THRAP3: variants seen among roughly 807,000 people sequenced by gnomAD.
The protein encoded by THRAP3 is thyroid hormone receptor associated protein 3.
Under a neutral mutation model 101.0 loss-of-function variants are expected in THRAP3, and 16 were observed. The ratio of observed to expected loss-of-function variants is 0.16; its 90% CI spans 0.11 to 0.24. The LOEUF (loss-of-function observed/expected upper bound fraction) is 0.24, where lower values mean the gene tolerates loss of function less well. Ranked by LOEUF, THRAP3 falls within the 10% of genes least tolerant of loss-of-function variation. The probability of loss-of-function intolerance (pLI) is 1.00; values close to 1 mark genes in which losing one functional copy is unlikely to be tolerated. For missense variants in THRAP3, 989 were observed against 1,202.7 expected (o/e 0.82, Z 2.63); for synonymous variants, 407 against 422.6 (o/e 0.96, Z 0.45).
In THRAP3 at chr1:36,268,917, G is replaced by A. The variant is rs143486038; in HGVS notation, c.-32+9433G>A. On this transcript the variant is annotated intron_variant, in intron 2 of 11. Transcript: ENST00000354618. ...ATTTTTCTATTTTTAGTAGAGATGG[G>A]GTTTCACCATGTTGGCCAGGCTGGC... Among the ~76,000 whole-genome samples, 122 of 152,364 alleles carry A rather than the reference G, an allele frequency of 8.0e-4. No individual in the cohort carries two copies. The East Asian group carries it at 0.015, about 19-fold the overall frequency.
chr1:36,241,012 C>G (rs113967889), intron 1 of THRAP3, among the ~76,000 whole-genome samples: 3,108 of 151,930 alleles, frequency 0.02, 100 homozygotes, highest in African/African-American at 0.064. Flanking sequence ...CGGGACCATC[C>G]CGGCTAACAC....
intron 1 of THRAP3, among the ~76,000 whole-genome samples, chr1:36,250,422 C>T (rs958203540): frequency 8.6e-5 from 13 of 151,818 alleles, no homozygotes; most frequent in Non-Finnish European, 1.3e-4. Context: ...CTATGTTGGC[C>T]GGGATGGTCT....
intron 11 of THRAP3, 136 bp downstream of exon 11, chr1:36,301,832 T>C: frequency 9.2e-7 from 1 of 1,084,824 alleles, no homozygotes; most frequent in Non-Finnish European, 1.3e-6. Context: ...CATGTGTACT[T>C]GCATAGTGCT....
the THRAP3 span, among the ~76,000 whole-genome samples, chr1:36,216,171 G>A: frequency 3.9e-5 from 6 of 152,060 alleles, no homozygotes; most frequent in Admixed American, 2.6e-4. Context: ...TTTAGCCCAG[G>A]AGTTTGAGAC....
chr1:36,294,267 A>C, intron 8 of THRAP3: 1 of 1,046,714 alleles, frequency 9.6e-7, no homozygotes. Context: ...TCAACTGTAT[A>C]CATGCACTAT....
chr1:36,242,516 G>C (rs887802537), intron 1 of THRAP3, among the ~76,000 whole-genome samples: 1 of 145,524 alleles, frequency 6.9e-6, no homozygotes, highest in Non-Finnish European at 1.5e-5. Context: ...GCAGAGACGC[G>C]ATCTCCGCTC....
intron 8 of THRAP3, among the ~76,000 whole-genome samples, chr1:36,295,566 TTCCTTCCTTCCCTCCTCCCTTCCTTCCTC>T (rs1557456418): frequency 6.6e-6 from 1 of 150,740 alleles, no homozygotes; most frequent in African/African-American, 2.5e-5. Flanking sequence ...CCTTCCTTCC[TTCCTTCCTTCCCTCCTCCCTTCCTTCCTC>T]CCTCCCTTCC....
the THRAP3 span, among the ~76,000 whole-genome samples, chr1:36,218,968 G>A: frequency 4.6e-5 from 7 of 150,820 alleles, no homozygotes; most frequent in East Asian, 1.2e-3. Context: ...AGGAGGTGGA[G>A]GTGGCAGTGA....
At chr1:36,266,008 G>A (rs1035917530) in intron 2 of THRAP3, among the ~76,000 whole-genome samples, 3 of 151,932 alleles carry the variant, frequency 2.0e-5, no homozygotes, top group Admixed American at 1.3e-4. Context: ...ACAAAGATTA[G>A]CCAGGCATGG....
chr1:36,243,835 A>C (rs75373209), intron 1 of THRAP3, among the ~76,000 whole-genome samples: 106,220 of 132,504 alleles, frequency 0.8, 43,932 homozygotes, highest in East Asian at 0.94. Context: ...GCTGACCCCC[A>C]CACCTCCCTC....
chr1:36,212,726 A>G, the THRAP3 span, among the ~76,000 whole-genome samples: 2 of 151,880 alleles, frequency 1.3e-5, no homozygotes, highest in African/African-American at 4.8e-5. Context: ...AGCAGGGACA[A>G]CTTTACAATG....
chr1:36,263,090 G>A (rs1247445094), intron 2 of THRAP3, among the ~76,000 whole-genome samples: 15 of 148,518 alleles, frequency 1.0e-4, no homozygotes, highest in African/African-American at 3.0e-4. Context: ...GATTACAGGC[G>A]TGAGCCACTG....
intron 1 of THRAP3, among the ~76,000 whole-genome samples, chr1:36,226,994 G>A (rs1040939973): frequency 6.6e-6 from 1 of 152,212 alleles, no homozygotes. Flanking sequence ...AGACCTAAGG[G>A]TGGTCAGTGA....
At chr1:36,249,739 G>A (rs1264055035) in intron 1 of THRAP3, among the ~76,000 whole-genome samples, 3 of 140,738 alleles carry the variant, frequency 2.1e-5, no homozygotes, top group Non-Finnish European at 3.1e-5. Flanking sequence ...TGAGACAGGA[G>A]TGGTGGTTTG....
chr1:36,286,821 G>C lies in THRAP3; in HGVS notation c.591G>C (p.Gln197His). 6.2e-7 allele frequency: 1 copy of C among 1,614,216 alleles called. No individual in the cohort carries two copies. Among genetic ancestry groups the C allele is most frequent in the South Asian group, 1.1e-5 (1 of 91,084 alleles). ...SRPSQAAGDN[Q>H]GDEAKEQTFS... ...CATCTCAGGCTGCCGGGGATAACCA[G>C]GGAGATGAGGCCAAGGAGCAGACAT... is the stretch of plus-strand genomic sequence containing the variant. Residue 197 changes from glutamine to histidine, a missense_variant, in exon 4 of 12, where the codon CAG becomes CAC. Physicochemically the swap from Gln to His is conservative, Grantham distance 24. Transcript: ENST00000354618. This position sits in a 1 kb window ranked among gnomAD's most constrained non-coding sequence, Gnocchi z 5.5.
At chr1:36,295,744 GTCAGTATAAC>G (rs1221951205) in intron 8 of THRAP3, among the ~76,000 whole-genome samples, 2 of 151,526 alleles carry the variant, frequency 1.3e-5, no homozygotes, top group East Asian at 3.9e-4. Flanking sequence ...AGAGAAATTT[GTCAGTATAAC>G]TCAGGGTTTT....
At chr1:36,262,939 C>A (rs1041147764) in intron 2 of THRAP3, among the ~76,000 whole-genome samples, 7 of 149,682 alleles carry the variant, frequency 4.7e-5, no homozygotes, top group African/African-American at 1.7e-4. Flanking sequence ...ACTACAGGCG[C>A]CCGCCACCAG....
At chr1:36,291,913 TC>T (rs960717883) in intron 6 of THRAP3, among the ~76,000 whole-genome samples, 1 of 152,064 alleles carries the variant, frequency 6.6e-6, no homozygotes, top group Non-Finnish European at 1.5e-5. Flanking sequence ...TATTCTATCA[TC>T]CCCCTGGGCA....
intron 1 of THRAP3, among the ~76,000 whole-genome samples, chr1:36,246,757 G>A (rs1645236516): frequency 6.6e-6 from 1 of 151,716 alleles, no homozygotes. Flanking sequence ...CAGGAGAATG[G>A]CGTGAACCCA....
Sources: gnomAD v4.1 joint callset for allele counts (sites outside exome capture counted in the v4.1 genomes callset) on GRCh38, gnomAD v4.1.1 for gene constraint, Gnocchi (gnomAD v3.1) non-coding constraint, MANE v1.5 for transcripts, NCBI Gene and HGNC (gene_info 2026-07-23, HGNC 2026-07-21) for gene names.